Variants in SPOCK3 observed in about 807,000 individuals in gnomAD.
The protein encoded by SPOCK3 is SPARC (osteonectin), cwcv and kazal like domains proteoglycan 3.
SPOCK3 carries 30 observed loss-of-function variants against 56.6 expected under a neutral mutation model. The ratio of observed to expected loss-of-function variants is 0.53; its 90% CI spans 0.40 to 0.72. SPOCK3 has a LOEUF of 0.72. Ranked by LOEUF, SPOCK3 falls within the 30% of genes least tolerant of loss-of-function variation. The pLI, the probability that SPOCK3 is intolerant of heterozygous loss-of-function variation, is 0.00. For synonymous variants in SPOCK3, 196 were observed against 183.3 expected (o/e 1.07, Z -0.56); for missense variants, 527 against 530.0 (o/e 0.99, Z 0.06).
chr4:166,812,922 G>A (rs1425764072), intron 6 of SPOCK3, among the ~76,000 whole-genome samples: 1 of 151,946 alleles, frequency 6.6e-6, no homozygotes, highest in African/African-American at 2.4e-5. Flanking sequence ...GTTGGTGGGA[G>A]TTTACTCTAA....
intron 6 of SPOCK3, among the ~76,000 whole-genome samples, chr4:166,836,841 C>G (rs928702919): frequency 1.3e-5 from 2 of 152,316 alleles, no homozygotes; most frequent in South Asian, 4.1e-4. Context: ...TATCTTATTA[C>G]CTCGGCCTAC....
At chr4:167,143,628 A>AT (rs557623154) in intron 2 of SPOCK3, among the ~76,000 whole-genome samples, 319 of 151,968 alleles carry the variant, frequency 2.1e-3, no homozygotes, top group African/African-American at 7.3e-3. Context: ...ATTTTTTTAC[A>AT]TTTTTTATCC....
intron 2 of SPOCK3, among the ~76,000 whole-genome samples, chr4:167,105,105 T>A (rs1471860709): frequency 6.6e-6 from 1 of 151,874 alleles, no homozygotes; most frequent in African/African-American, 2.4e-5. Context: ...CAAGAAATGC[T>A]AGAGAGTTTT....
intron 6 of SPOCK3, among the ~76,000 whole-genome samples, chr4:166,807,546 T>C (rs1388171771): frequency 1.4e-4 from 22 of 152,148 alleles, no homozygotes; most frequent in Admixed American, 1.4e-3. Flanking sequence ...CTGACCTGTC[T>C]CATTATTTTA....
intron 3 of SPOCK3, among the ~76,000 whole-genome samples, chr4:167,036,395 A>G (rs923075991): frequency 2.0e-5 from 3 of 152,100 alleles, no homozygotes; most frequent in African/African-American, 7.2e-5. Flanking sequence ...TTATATCCCA[A>G]CTGCAGCCTT....
chr4:167,084,566 C>T (rs1393512386), intron 2 of SPOCK3, among the ~76,000 whole-genome samples: 1 of 151,932 alleles, frequency 6.6e-6, no homozygotes, highest in African/African-American at 2.4e-5. Flanking sequence ...TGGAGTGTAG[C>T]CGAAAAGGTC....
chr4:166,889,106 T>G, intron 6 of SPOCK3, 24 bp downstream of exon 6: 1 of 1,374,776 alleles, frequency 7.3e-7, no homozygotes, highest in Non-Finnish European at 1.0e-6. Context: ...AATGTAAAAT[T>G]ATAAATATAT....
intron 4 of SPOCK3, among the ~76,000 whole-genome samples, chr4:166,937,888 C>T (rs1039716214): frequency 3.3e-5 from 5 of 149,578 alleles, no homozygotes; most frequent in Non-Finnish European, 1.5e-5. Flanking sequence ...CTCAGCCTCC[C>T]GAGTAGCTGG....
intron 4 of SPOCK3, among the ~76,000 whole-genome samples, chr4:166,921,973 C>T (rs72697554): frequency 0.021 from 3,148 of 152,256 alleles, 36 homozygotes; most frequent in Non-Finnish European, 0.034. Flanking sequence ...GTAGCCGTCA[C>T]CTGTTAGGAA....
intron 3 of SPOCK3, among the ~76,000 whole-genome samples, chr4:167,059,142 T>C (rs1755277316): frequency 1.3e-5 from 2 of 151,934 alleles, no homozygotes; most frequent in South Asian, 2.1e-4. Context: ...AAAGCCAAAA[T>C]TGACAAATGG....
chr4:167,097,014 CT>C (rs1759215770), intron 2 of SPOCK3, among the ~76,000 whole-genome samples: 4 of 151,790 alleles, frequency 2.6e-5, no homozygotes, highest in Admixed American at 2.6e-4. Context: ...TAATGCCCCC[CT>C]CTATCCCTAA....
At chr4:166,842,191 CAAAGAACA>C (rs1017565528) in intron 6 of SPOCK3, among the ~76,000 whole-genome samples, 9 of 152,302 alleles carry the variant, frequency 5.9e-5, no homozygotes, top group Middle Eastern at 3.4e-3. Context: ...AGATTTATTG[CAAAGAACA>C]AAAGAACAAA....
chr4:167,146,009 G>C (rs1049142617), intron 2 of SPOCK3, among the ~76,000 whole-genome samples: 1 of 152,106 alleles, frequency 6.6e-6, no homozygotes, highest in Non-Finnish European at 1.5e-5. Flanking sequence ...AAAAGACACA[G>C]ACTGGTAAAT....
intron 2 of SPOCK3, among the ~76,000 whole-genome samples, chr4:167,100,617 A>G (rs1322123384): frequency 6.6e-6 from 1 of 152,144 alleles, no homozygotes; most frequent in Non-Finnish European, 1.5e-5. Flanking sequence ...AATAATTAGG[A>G]TATAAAATAT....
chr4:166,899,065 A>C (rs67647350), intron 5 of SPOCK3, among the ~76,000 whole-genome samples: 57,844 of 151,286 alleles, frequency 0.38, 12,029 homozygotes, highest in Non-Finnish European at 0.48. Context: ...CACTCATTCC[A>C]CTCAGGGTTT....
chr4:167,221,544 C>T (rs1369419907), intron 2 of SPOCK3, among the ~76,000 whole-genome samples: 1 of 152,080 alleles, frequency 6.6e-6, no homozygotes, highest in African/African-American at 2.4e-5. Context: ...TACTGAGTCA[C>T]TTTATTTGTG....
At chr4:167,112,049 C>T (rs1279941691) in intron 2 of SPOCK3, among the ~76,000 whole-genome samples, 5 of 152,216 alleles carry the variant, frequency 3.3e-5, no homozygotes, top group African/African-American at 1.2e-4. Flanking sequence ...CATGAGCCAA[C>T]ACCCCCAGCC....
chr4:166,953,676 G>GAACC (rs1743004474), intron 4 of SPOCK3, among the ~76,000 whole-genome samples: 1 of 152,150 alleles, frequency 6.6e-6, no homozygotes, highest in Non-Finnish European at 1.5e-5. Context: ...GAAAGACTTG[G>GAACC]AACCAACCCA....
intron 7 of SPOCK3, among the ~76,000 whole-genome samples, chr4:166,766,548 G>A (rs552897390): frequency 2.6e-4 from 40 of 152,164 alleles, no homozygotes; most frequent in African/African-American, 8.9e-4. Flanking sequence ...CAACTTGATC[G>A]TGGTGGATAA....
Sources: gnomAD v4.1 joint callset for allele counts (sites outside exome capture counted in the v4.1 genomes callset) on GRCh38, gnomAD v4.1.1 for gene constraint, MANE v1.5 for transcripts, NCBI Gene and HGNC (gene_info 2026-07-23, HGNC 2026-07-21) for gene names.